PARD3: variants seen among roughly 807,000 people sequenced by gnomAD.
The protein encoded by PARD3 is par-3 family cell polarity regulator, also known as partitioning defective 3 homolog.
A neutral mutation model predicts 155.4 loss-of-function variants in PARD3; 75 were observed. That is an observed-to-expected ratio of 0.48 (90% CI 0.40 to 0.58). PARD3 has a LOEUF of 0.58. Among genes scored for constraint, PARD3 ranks in the 20% least tolerant of loss-of-function variants. The pLI is 0.00. For synonymous variants in PARD3, 576 were observed against 610.5 expected (o/e 0.94, Z 0.83); for missense variants, 1,642 against 1,721.7 (o/e 0.95, Z 0.82).
intron 22 of PARD3, among the ~76,000 whole-genome samples, chr10:34,163,420 AG>A (rs1159947437): frequency 6.6e-6 from 1 of 152,226 alleles, no homozygotes; most frequent in Non-Finnish European, 1.5e-5. Context: ...TGAGATGAAA[AG>A]ATAGCACAGG....
intron 2 of PARD3, among the ~76,000 whole-genome samples, chr10:34,679,225 C>T (rs2133316956): frequency 6.6e-6 from 1 of 152,284 alleles, no homozygotes; most frequent in African/African-American, 2.4e-5. Flanking sequence ...CAATGGACGG[C>T]ACAGACGGCA....
At chr10:34,474,553 C>T (rs550941605) in intron 3 of PARD3, among the ~76,000 whole-genome samples, 1 of 152,184 alleles carries the variant, frequency 6.6e-6, no homozygotes, top group African/African-American at 2.4e-5. Context: ...GAACCCACCA[C>T]TTAAACGGAG....
At chr10:34,607,300 A>G (rs1272438109) in intron 2 of PARD3, among the ~76,000 whole-genome samples, 1 of 152,248 alleles carries the variant, frequency 6.6e-6, no homozygotes, top group Non-Finnish European at 1.5e-5. Context: ...CAGGGTACAC[A>G]CAAATATGCT....
At chr10:34,455,572 T>TA (rs1469304121) in intron 4 of PARD3, among the ~76,000 whole-genome samples, 4 of 151,624 alleles carry the variant, frequency 2.6e-5, no homozygotes, top group Non-Finnish European at 5.9e-5. Flanking sequence ...ATTCATCTTC[T>TA]AAAAAATAAA....
chr10:34,451,232 A>G (rs2077038228), intron 4 of PARD3, among the ~76,000 whole-genome samples: 1 of 152,220 alleles, frequency 6.6e-6, no homozygotes, highest in Non-Finnish European at 1.5e-5. Flanking sequence ...AATGTTCTGA[A>G]AAGAAATGAG....
chr10:34,671,738 T>C (rs531022202), intron 2 of PARD3, among the ~76,000 whole-genome samples: 2 of 152,316 alleles, frequency 1.3e-5, no homozygotes, highest in East Asian at 3.9e-4. Context: ...AGTTGTTCTA[T>C]CTATCGCAAA....
intron 3 of PARD3, among the ~76,000 whole-genome samples, chr10:34,472,424 G>A (rs889773887): frequency 3.9e-5 from 6 of 152,008 alleles, no homozygotes; most frequent in African/African-American, 7.3e-5. Flanking sequence ...CTTACTATAA[G>A]GAAAGTTCTC....
intron 3 of PARD3, among the ~76,000 whole-genome samples, chr10:34,504,429 T>TAA (rs57691806): frequency 0.021 from 2,792 of 132,592 alleles, 83 homozygotes; most frequent in African/African-American, 0.062. Flanking sequence ...TCCCCAAGAT[T>TAA]AAAAAAAAAA....
chr10:34,268,902 A>G (rs2133851571), intron 22 of PARD3, among the ~76,000 whole-genome samples: 1 of 152,322 alleles, frequency 6.6e-6, no homozygotes, highest in African/African-American at 2.4e-5. Flanking sequence ...CGTTGTGCAC[A>G]TGTACCCTAG....
intron 2 of PARD3, among the ~76,000 whole-genome samples, chr10:34,667,920 A>G (rs1475916567): frequency 6.6e-6 from 1 of 152,230 alleles, no homozygotes; most frequent in Non-Finnish European, 1.5e-5. Flanking sequence ...CCAAAGTTAC[A>G]TAAAGGGGAA....
Position 34,269,712 on chromosome 10 carries a change from C to T in PARD3, c.3364G>A (p.Ala1122Thr). The T allele has an allele frequency of 6.2e-7, 1 of 1,614,050 alleles. No individual in the cohort carries two copies. Among genetic ancestry groups the T allele is most frequent in the Non-Finnish European group, 8.5e-7 (1 of 1,179,942 alleles). ...QSPREGHMMD[A>T]LYAQVKKPRN... ...GGCTTCTTGACTTGGGCATACAAAG[C>T]ATCCATCATATGCCCTTCTCGTGGG... is the stretch of plus-strand genomic sequence containing the variant. Residue 1122 changes from alanine (A) to threonine (T), a missense_variant, in exon 22 of 25, where the codon GCT becomes ACT. This residue lies in a region of PARD3 where 1,529 missense variants were observed against 1,587.3 expected (regional missense o/e 0.96). Coordinates refer to ENST00000374788, the MANE Select transcript of PARD3 (RefSeq NM_001184785.2).
Position 34,131,482 on chromosome 10 carries a change from T to G in PARD3, c.3521A>C (p.Tyr1174Ser). ...DEDVEDRRRTYSFEQPWPNAR... is the reference protein window; with the variant it reads ...DEDVEDRRRTSSFEQPWPNAR... ...ACTTACCCAGGGTTGCTCAAAACTA[T>G]AGGTCCGCCGACGATCTTCTACATC... The change falls in exon 23 of 25, where the codon TAT becomes TCT. Residue 1174 changes from tyrosine (Y) to serine (S), a missense_variant. Physicochemically the swap from Tyr to Ser is moderately radical, Grantham distance 144. Around this residue, in one of 3 missense-constraint regions of PARD3, gnomAD observed 1,529 missense variants for 1,587.3 expected, o/e 0.96. Transcript: ENST00000374788. The G allele has an allele frequency of 1.9e-6, 3 of 1,614,160 alleles. No homozygotes were observed. The South Asian group carries it at 3.3e-5, about 18-fold the overall frequency.
intron 3 of PARD3, among the ~76,000 whole-genome samples, chr10:34,497,979 G>A (rs534616483): frequency 1.1e-4 from 16 of 152,204 alleles, no homozygotes; most frequent in South Asian, 6.2e-4. Context: ...TACAAAAACC[G>A]TGACAAAGAA....
intron 2 of PARD3, among the ~76,000 whole-genome samples, chr10:34,529,833 A>G (rs2082723097): frequency 6.6e-6 from 1 of 152,114 alleles, no homozygotes; most frequent in East Asian, 1.9e-4. Context: ...TCCCAGGTTC[A>G]AGCCAATTCC....
Position 34,336,190 on chromosome 10 carries a change from C to T in PARD3, c.2605+9G>A, listed in dbSNP as rs1295211213. ...TTTCTATGGCAACAGTCTAACTGTC[C>T]ATTCTTACCTGCTTTCTGGTCATCC... On this transcript the variant is annotated intron_variant, in intron 18 of 24. Coordinates refer to ENST00000374788, the MANE Select transcript of PARD3 (RefSeq NM_001184785.2). The T allele has an allele frequency of 1.9e-6, 3 of 1,607,840 alleles. No individual in the cohort carries two copies. The highest frequency in any genetic ancestry group is 2.6e-6 in the Non-Finnish European group (3 of 1,174,706).
chr10:34,119,524 C>A, intron 24 of PARD3, 89 bp downstream of exon 24: 4 of 1,333,080 alleles, frequency 3.0e-6, no homozygotes, highest in Non-Finnish European at 3.0e-6. Context: ...TGGAGAGGCC[C>A]CAGTGACTTG....
rs148386262 is a variant in PARD3, at chr10:34,452,529, G to T, written c.583-2081C>A. On this transcript the variant is annotated intron_variant, in intron 4 of 24. Coordinates refer to ENST00000374788, the MANE Select transcript of PARD3 (RefSeq NM_001184785.2). The stretch of plus-strand genomic sequence containing the variant: ...TCTACTTTTGAAATGAAGAGCTCAG[G>T]CTCCACACAACTCTCACCTTTTGGT... 3.5e-3 allele frequency among the ~76,000 whole-genome samples: 535 copies of T among 152,242 alleles called. 3 individuals are homozygous for T. The highest frequency in any genetic ancestry group is 6.8e-3 in the Middle Eastern group (2 of 292).
chr10:34,621,212 T>C (rs1328613287), intron 2 of PARD3, among the ~76,000 whole-genome samples: 4 of 152,126 alleles, frequency 2.6e-5, no homozygotes, highest in East Asian at 1.9e-4. Flanking sequence ...TGGGGGTTTT[T>C]TTTGTTGTTG....
At chr10:34,748,195 C>T (rs12761677) in intron 1 of PARD3, among the ~76,000 whole-genome samples, 57,361 of 152,032 alleles carry the variant, frequency 0.38, 11,622 homozygotes, top group Non-Finnish European at 0.45. Flanking sequence ...CTTGGCCAGG[C>T]GTGGTGGCTC....
Sources: gnomAD v4.1 joint callset for allele counts (sites outside exome capture counted in the v4.1 genomes callset) on GRCh38, gnomAD v4.1.1 for gene constraint, gnomAD v4.1.1 regional missense constraint, MANE v1.5 for transcripts, NCBI Gene and HGNC (gene_info 2026-07-23, HGNC 2026-07-21) for gene names.